LEPROTL1: variants seen among roughly 807,000 people sequenced by gnomAD.
LEPROTL1 encodes the protein leptin receptor overlapping transcript-like 1.
In LEPROTL1, 6 loss-of-function variants were observed where a neutral mutation model predicts 15.4. The observed-to-expected ratio is 0.39, with a 90% CI of 0.21 to 0.77. The LOEUF is 0.77. LEPROTL1 is among the 30% of genes least tolerant of loss of function. LEPROTL1 has a pLI of 0.41. For missense variants in LEPROTL1, 128 were observed against 158.1 expected, an observed-to-expected ratio of 0.81 and a Z score of 1.02; for synonymous variants, 56 against 52.6, an observed-to-expected ratio of 1.06 and a Z score of -0.28.
chr8:30,120,015 G>A (rs1365372676), intron 3 of LEPROTL1, among the ~76,000 whole-genome samples: 1 of 152,150 alleles, frequency 6.6e-6, no homozygotes, highest in Non-Finnish European at 1.5e-5. Context: ...GTTGCAGTGA[G>A]CCGAGATGCC....
intron 3 of LEPROTL1, among the ~76,000 whole-genome samples, chr8:30,118,114 T>C (rs1295683065): frequency 2.8e-5 from 4 of 142,750 alleles, no homozygotes; most frequent in African/African-American, 1.0e-4. Flanking sequence ...AACCTCTGCC[T>C]CCTGGGTTCA....
At chr8:30,138,024 CA>C (rs1191569614), downstream of LEPROTL1, 5 of 172,540 alleles carry the variant, frequency 2.9e-5, no homozygotes, top group African/African-American at 1.2e-4. Context: ...GGCCCCCACC[CA>C]GGAGCTGACT....
chr8:30,117,784 G>A (rs758713364), intron 3 of LEPROTL1: 69 of 760,316 alleles, frequency 9.1e-5, no homozygotes, highest in Middle Eastern at 3.4e-4. Context: ...CACCATTGTG[G>A]CGGCGCAGAA....
At chr8:30,105,014 G>A (rs980647426) in intron 3 of LEPROTL1, 6 of 152,564 alleles carry the variant, frequency 3.9e-5, no homozygotes, top group African/African-American at 1.4e-4. Flanking sequence ...GCACCCGTCT[G>A]GCTTGCTAAT....
At chr8:30,100,296 T>TC (rs1241744824) in intron 1 of LEPROTL1, among the ~76,000 whole-genome samples, 1 of 152,220 alleles carries the variant, frequency 6.6e-6, no homozygotes, top group Non-Finnish European at 1.5e-5. Context: ...TAGCCTTTGT[T>TC]TTGGTAACTT....
chr8:30,124,952 G>A (rs1427319234), intron 3 of LEPROTL1, among the ~76,000 whole-genome samples: 1 of 152,158 alleles, frequency 6.6e-6, no homozygotes, highest in Non-Finnish European at 1.5e-5. Context: ...TTAGTAAATT[G>A]AGAATGCTAG....
At chr8:30,105,168 A>G (rs943057772) in intron 3 of LEPROTL1, 1 of 152,314 alleles carries the variant, frequency 6.6e-6, no homozygotes, top group Non-Finnish European at 1.5e-5. Flanking sequence ...GGGGCTGGCT[A>G]CGGGTACTCA....
intron 3 of LEPROTL1, among the ~76,000 whole-genome samples, chr8:30,130,778 A>AG (rs1324802575): frequency 9.3e-6 from 1 of 107,768 alleles, no homozygotes; most frequent in African/African-American, 2.8e-5. Flanking sequence ...TTTTCAAAAA[A>AG]AAATTTTTTT....
intron 4 of LEPROTL1, among the ~76,000 whole-genome samples, chr8:30,136,164 G>A (rs1037854763): frequency 6.6e-6 from 1 of 152,104 alleles, no homozygotes. Flanking sequence ...TGTGCTTATG[G>A]TCTAACCCCA....
chr8:30,124,686 A>C (rs1802881367), intron 3 of LEPROTL1, among the ~76,000 whole-genome samples: 1 of 152,202 alleles, frequency 6.6e-6, no homozygotes, highest in South Asian at 2.1e-4. Flanking sequence ...GTAGTTTATT[A>C]TATAGTTATG....
At chr8:30,111,671 A>G (rs935070072), downstream of LEPROTL1, among the ~76,000 whole-genome samples, 1 of 152,228 alleles carries the variant, frequency 6.6e-6, no homozygotes, top group Non-Finnish European at 1.5e-5. Flanking sequence ...AGAGACAGAA[A>G]TATATCGAAG....
intron 2 of LEPROTL1, among the ~76,000 whole-genome samples, chr8:30,102,655 A>AG (rs1048783273): frequency 7.9e-5 from 12 of 151,736 alleles, no homozygotes; most frequent in African/African-American, 2.7e-4. Flanking sequence ...CTGTTTCCAA[A>AG]AAAAAAAAAA....
chr8:30,132,130 A>G, intron 3 of LEPROTL1: 1 of 1,551,800 alleles, frequency 6.4e-7, no homozygotes, highest in Non-Finnish European at 8.7e-7. Flanking sequence ...GAACAGCCTC[A>G]TCGGCCAGGA....
At chr8:30,110,840 C>T (rs561155745), downstream of LEPROTL1, among the ~76,000 whole-genome samples, 1 of 152,164 alleles carries the variant, frequency 6.6e-6, no homozygotes, top group South Asian at 2.1e-4. Flanking sequence ...AAAGAATAAA[C>T]CTGAGTATTT....
chr8:30,105,741 C>T lies in LEPROTL1; in HGVS notation c.280-5C>T. 1 of 1,595,422 alleles carries T rather than the reference C, an allele frequency of 6.3e-7. No individual in the cohort carries two copies. Among genetic ancestry groups the T allele is most frequent in the Non-Finnish European group, 8.5e-7 (1 of 1,170,270 alleles). ...CTGTTGACTGAGTGTATCTTATTTC[C>T]ATAGATTGAGTGGGGAGCTTGTGCA... On this transcript the variant is annotated splice_polypyrimidine_tract_variant and splice_region_variant and intron_variant, in intron 3 of 3. Coordinates refer to ENST00000321250, the MANE Select transcript of LEPROTL1 (RefSeq NM_015344.3).
At chr8:30,099,238 G>A (rs1802421862) in intron 1 of LEPROTL1, among the ~76,000 whole-genome samples, 1 of 152,166 alleles carries the variant, frequency 6.6e-6, no homozygotes, top group East Asian at 1.9e-4. Flanking sequence ...CTCCATAGAT[G>A]TTTGTTAGAG....
At chr8:30,100,703 C>T (rs1469991958) in intron 1 of LEPROTL1, among the ~76,000 whole-genome samples, 2 of 152,350 alleles carry the variant, frequency 1.3e-5, no homozygotes, top group East Asian at 3.9e-4. Context: ...CCCGCCTTGG[C>T]CTCCCAAAGT....
chr8:30,130,253 G>GA (rs1316981403), intron 3 of LEPROTL1, among the ~76,000 whole-genome samples: 1 of 151,410 alleles, frequency 6.6e-6, no homozygotes. Context: ...TACAAAGTTT[G>GA]TTTTTTTTTA....
intron 3 of LEPROTL1, among the ~76,000 whole-genome samples, chr8:30,115,608 A>G (rs1802729665): frequency 7.6e-6 from 1 of 130,926 alleles, no homozygotes; most frequent in South Asian, 2.4e-4. Context: ...GCTTAGGAGA[A>G]TGCTTTAAAA....
Sources: allele counts gnomAD v4.1 joint callset (sites outside exome capture counted in the v4.1 genomes callset), GRCh38; gene constraint gnomAD v4.1.1; transcripts MANE v1.5; gene names NCBI Gene and HGNC (gene_info 2026-07-23, HGNC 2026-07-21).